EYA2: variants seen among roughly 807,000 people sequenced by gnomAD.
The protein encoded by EYA2 is protein phosphatase EYA2.
A neutral mutation model predicts 69.2 loss-of-function variants in EYA2; 31 were observed. That is an observed-to-expected ratio of 0.45 (90% CI 0.34 to 0.60). The LOEUF is 0.60. Among genes scored for constraint, EYA2 ranks in the 20% least tolerant of loss-of-function variants. The pLI is 0.02. For missense variants in EYA2, 622 were observed against 701.2 expected, an observed-to-expected ratio of 0.89 and a Z score of 1.28; for synonymous variants, 257 against 279.4, an observed-to-expected ratio of 0.92 and a Z score of 0.80.
chr20:47,072,220 G>A lies in EYA2; in HGVS notation c.451G>A (p.Gly151Ser), dbSNP rs1476015642. The change falls in exon 6 of 16, where the codon GGC (glycine) becomes AGC (serine). Residue 151 changes from glycine to serine, a missense_variant. By Grantham distance (56) the Gly-to-Ser change is moderately conservative. This residue lies in a region of EYA2 where 365 missense variants were observed against 349.7 expected (regional missense o/e 1.04). Transcript: ENST00000327619. ...GTTCTATCAAGGAGGAAATGGACTGGGCAACGCAGCCGGTTTCGGGAGTGT... is the reference window on the plus strand; with the variant it reads ...GTTCTATCAAGGAGGAAATGGACTGAGCAACGCAGCCGGTTTCGGGAGTGT... ...TGFYQGGNGL[G>S]NAAGFGSVHQ... 6.2e-6 allele frequency: 10 copies of A among 1,613,014 alleles called. No homozygotes were observed. Among genetic ancestry groups the A allele is most frequent in the Admixed American group, 3.3e-5 (2 of 59,900 alleles).
At chr20:46,929,835 A>AC (rs1985590261) in intron 1 of EYA2, among the ~76,000 whole-genome samples, 1 of 152,134 alleles carries the variant, frequency 6.6e-6, no homozygotes, top group African/African-American at 2.4e-5. Context: ...TCTTAAAAAA[A>AC]AAAAAATTGA....
intron 9 of EYA2, among the ~76,000 whole-genome samples, chr20:47,109,684 G>A (rs923417024): frequency 2.6e-5 from 4 of 152,074 alleles, no homozygotes; most frequent in African/African-American, 9.7e-5. Flanking sequence ...CACCCTGCCT[G>A]CACTATGGTT....
At chr20:47,125,048 T>G (rs1013177370) in intron 9 of EYA2, among the ~76,000 whole-genome samples, 2 of 17,982 alleles carry the variant, frequency 1.1e-4, no homozygotes, top group Admixed American at 9.2e-4. Flanking sequence ...TTTGGTTAAG[T>G]TTTTTTTTTT....
intron 1 of EYA2, among the ~76,000 whole-genome samples, chr20:46,966,685 C>G (rs1008497949): frequency 1.3e-5 from 2 of 152,004 alleles, no homozygotes; most frequent in East Asian, 3.9e-4. Context: ...TGGTGGGTGC[C>G]TGTAGTCCCA....
chr20:47,056,723 G>A (rs2146445233), intron 5 of EYA2, among the ~76,000 whole-genome samples: 1 of 152,246 alleles, frequency 6.6e-6, no homozygotes, highest in South Asian at 2.1e-4. Flanking sequence ...TGAAATCCAA[G>A]GAGACAGGAC....
chr20:47,118,270 G>C (rs1484817114), intron 9 of EYA2, among the ~76,000 whole-genome samples: 4 of 152,180 alleles, frequency 2.6e-5, no homozygotes, highest in Non-Finnish European at 5.9e-5. Flanking sequence ...TGAGTAAAAG[G>C]TGTTTAGTCT....
chr20:46,988,554 G>T (rs143458034), intron 1 of EYA2, among the ~76,000 whole-genome samples: 1 of 152,152 alleles, frequency 6.6e-6, no homozygotes, highest in East Asian at 1.9e-4. Context: ...TGATAACGAC[G>T]TGCTCACAAT....
chr20:47,106,152 C>G (rs2032573430), intron 9 of EYA2, among the ~76,000 whole-genome samples: 1 of 152,110 alleles, frequency 6.6e-6, no homozygotes, highest in African/African-American at 2.4e-5. Context: ...CCACTTGAGT[C>G]AAAATACAGA....
chr20:47,045,678 A>G (rs574954659), intron 5 of EYA2, among the ~76,000 whole-genome samples: 2 of 152,320 alleles, frequency 1.3e-5, no homozygotes, highest in South Asian at 2.1e-4. Context: ...TACATGAGCA[A>G]TGGAATTGCT....
intron 7 of EYA2, among the ~76,000 whole-genome samples, chr20:47,078,990 C>G (rs1273636232): frequency 6.6e-6 from 1 of 152,114 alleles, no homozygotes; most frequent in Non-Finnish European, 1.5e-5. Flanking sequence ...ATTTTTTTCA[C>G]TGATTAAAAA....
chr20:47,086,975 A>G (rs1216275718), intron 7 of EYA2, among the ~76,000 whole-genome samples: 1 of 152,166 alleles, frequency 6.6e-6, no homozygotes, highest in East Asian at 1.9e-4. Flanking sequence ...CAAGTGAACC[A>G]GGAAAGACCT....
At chr20:47,048,760 T>C (rs1490787196) in intron 5 of EYA2, among the ~76,000 whole-genome samples, 1 of 152,084 alleles carries the variant, frequency 6.6e-6, no homozygotes, top group Non-Finnish European at 1.5e-5. Flanking sequence ...AATAAAATAC[T>C]GTGCAGCAGT....
chr20:47,109,473 C>T (rs975101679), intron 9 of EYA2, among the ~76,000 whole-genome samples: 3 of 151,992 alleles, frequency 2.0e-5, no homozygotes, highest in East Asian at 3.9e-4. Flanking sequence ...TTTTTGTGTG[C>T]ATTTATTTCT....
chr20:47,023,283 A>G (rs1375397040), intron 5 of EYA2, among the ~76,000 whole-genome samples: 1 of 152,242 alleles, frequency 6.6e-6, no homozygotes, highest in African/African-American at 2.4e-5. Context: ...GACGTGATTC[A>G]TAAATAAGAA....
rs112291810 is a variant in EYA2 at position 47,015,370 on chromosome 20, C to T, written c.299-811C>T. Among the ~76,000 whole-genome samples, 10 of 152,250 alleles carry T rather than the reference C, an allele frequency of 6.6e-5. 1 individual carries two copies. Among genetic ancestry groups the T allele is most frequent in the Middle Eastern group, 3.4e-3 (1 of 294 alleles). On this transcript the variant is annotated intron_variant, in intron 4 of 15. Transcript: ENST00000327619. ...GTACCTATGCTTTAGGTAAGCATGC[C>T]GAGTTTTGCTGAAGCAGAAGGCAGA... is the stretch of plus-strand genomic sequence containing the variant.
intron 5 of EYA2, among the ~76,000 whole-genome samples, chr20:47,054,416 C>T (rs972839021): frequency 2.0e-5 from 3 of 152,164 alleles, no homozygotes; most frequent in Non-Finnish European, 2.9e-5. Context: ...AAATATTTGT[C>T]GAATTCATGA....
rs182629922 is a variant in EYA2, at chr20:46,906,111, G to T, written c.-11+11124G>T. Among the ~76,000 whole-genome samples the T allele has an allele frequency of 2.0e-5, 3 of 152,140 alleles. No individual in the cohort carries two copies. The East Asian group carries it at 5.8e-4, about 29-fold the overall frequency. On this transcript the variant is annotated intron_variant, in intron 1 of 15. Coordinates refer to ENST00000327619, the MANE Select transcript of EYA2 (RefSeq NM_005244.5). ...TCTATCTTATTATGCATTTGGAAAA[G>T]ATATAAAAAGCATTTGAAACAAATG...
intron 10 of EYA2, among the ~76,000 whole-genome samples, chr20:47,149,087 A>G (rs1226453476): frequency 6.6e-6 from 1 of 152,148 alleles, no homozygotes; most frequent in Admixed American, 6.5e-5. Context: ...CAAAAAACAA[A>G]AAAAAAAAAC....
chr20:47,017,985 C>T (rs1344791542), intron 5 of EYA2, among the ~76,000 whole-genome samples: 1 of 152,218 alleles, frequency 6.6e-6, no homozygotes, highest in African/African-American at 2.4e-5. Flanking sequence ...CTTCTGCTCT[C>T]ACGTCTGTGT....
Sources: allele counts gnomAD v4.1 joint callset (sites outside exome capture counted in the v4.1 genomes callset), GRCh38; gene constraint gnomAD v4.1.1; regional missense constraint gnomAD v4.1.1; transcripts MANE v1.5; gene names NCBI Gene and HGNC (gene_info 2026-07-23, HGNC 2026-07-21).